LARGE1: variants seen among roughly 807,000 people sequenced by gnomAD.
LARGE1 encodes the protein LARGE xylosyl- and glucuronyltransferase 1.
Under a neutral mutation model 87.6 loss-of-function variants are expected in LARGE1, and 43 were observed. The ratio of observed to expected loss-of-function variants is 0.49; its 90% confidence interval spans 0.38 to 0.63. LARGE1 has a LOEUF of 0.63. Among genes scored for constraint, LARGE1 ranks in the 30% least tolerant of loss-of-function variants. LARGE1 has a pLI of 0.00. For missense variants in LARGE1, 802 were observed against 1,000.2 expected (o/e 0.80, Z 2.67); for synonymous variants, 434 against 394.6 (o/e 1.10, Z -1.18).
intron 1 of LARGE1, among the ~76,000 whole-genome samples, chr22:33,772,749 C>T (rs755706695): frequency 1.3e-5 from 2 of 152,122 alleles, no homozygotes. Context: ...ATCGCTGCTG[C>T]GCCCACTAGA....
At chr22:33,271,379 G>T (rs1928234567), downstream of LARGE1, among the ~76,000 whole-genome samples, 1 of 152,092 alleles carries the variant, frequency 6.6e-6, no homozygotes, top group Non-Finnish European at 1.5e-5. Context: ...ATGCATTCAG[G>T]TTCCCCAAGT....
chr22:33,922,077 CCCCAG>C (rs1465525346), upstream of LARGE1, among the ~76,000 whole-genome samples: 1 of 152,074 alleles, frequency 6.6e-6, no homozygotes, highest in African/African-American at 2.4e-5. Flanking sequence ...CTCCACCTCT[CCCCAG>C]CCGGGCGGGC....
chr22:33,294,571 C>G (rs762141494), intron 12 of LARGE1, among the ~76,000 whole-genome samples: 1 of 152,194 alleles, frequency 6.6e-6, no homozygotes, highest in African/African-American at 2.4e-5. Flanking sequence ...AAACCGGCCT[C>G]CCCGTACCTC....
chr22:33,428,665 G>A (rs1461205011), intron 7 of LARGE1, among the ~76,000 whole-genome samples: 1 of 145,608 alleles, frequency 6.9e-6, no homozygotes, highest in African/African-American at 2.5e-5. Flanking sequence ...GCTCATGCCT[G>A]TAATCCCAGC....
At chr22:33,653,789 T>C (rs1345690071) in intron 2 of LARGE1, among the ~76,000 whole-genome samples, 2 of 152,142 alleles carry the variant, frequency 1.3e-5, no homozygotes, top group African/African-American at 4.8e-5. Flanking sequence ...AGAGTTGTTC[T>C]GTGTGTTGTA....
the LARGE1 span, among the ~76,000 whole-genome samples, chr22:33,117,323 T>C: frequency 6.6e-6 from 1 of 152,176 alleles, no homozygotes; most frequent in African/African-American, 2.4e-5. Context: ...GAGGATGGCA[T>C]TGAGTTGCTA....
Position 33,737,958 on chromosome 22 carries a change from G to A in LARGE1, c.106+23413C>T, listed in dbSNP as rs541201806. Among the ~76,000 whole-genome samples, 10 of 152,218 alleles carry A rather than the reference G, an allele frequency of 6.6e-5. No homozygotes were observed. The East Asian group carries it at 1.5e-3, about 24-fold the overall frequency. ...GACATGTACTATTATTATACACTCT[G>A]TGCCTTTGAGACAACCTGCCACACA... On this transcript the variant is annotated intron_variant, in intron 2 of 14. Coordinates refer to ENST00000397394, the MANE Select transcript of LARGE1 (RefSeq NM_133642.5).
chr22:33,581,043 C>T (rs1569288264), intron 5 of LARGE1, among the ~76,000 whole-genome samples: 1 of 152,174 alleles, frequency 6.6e-6, no homozygotes, highest in Non-Finnish European at 1.5e-5. Flanking sequence ...AGCATTTTCT[C>T]ATTTTCAATG....
At chr22:33,677,092 T>C (rs1327320334) in intron 2 of LARGE1, among the ~76,000 whole-genome samples, 5 of 152,058 alleles carry the variant, frequency 3.3e-5, no homozygotes, top group African/African-American at 4.8e-5. Context: ...GCCAGCCAGC[T>C]CACAAGTGGC....
At chr22:33,587,765 CAG>C (rs776368281) in intron 5 of LARGE1, among the ~76,000 whole-genome samples, 21 of 151,616 alleles carry the variant, frequency 1.4e-4, no homozygotes, top group Non-Finnish European at 2.6e-4. Flanking sequence ...CTTAGGCACA[CAG>C]AAACCTTCCT....
chr22:33,465,755 T>C (rs184514433), intron 6 of LARGE1, among the ~76,000 whole-genome samples: 72 of 152,294 alleles, frequency 4.7e-4, no homozygotes, highest in Middle Eastern at 3.4e-3. Flanking sequence ...GCCAAGAACA[T>C]TCCTTAAAAG....
rs575212729 is a variant in LARGE1, at chr22:33,544,122, T to G, written c.787+20726A>C. ...CAACGTATTGTTGGGGGAATTGGCA[T>G]GTCCTGCGTGACTCCACTGGGGGAG... On this transcript the variant is annotated intron_variant, in intron 6 of 14. Coordinates refer to ENST00000397394, the MANE Select transcript of LARGE1 (RefSeq NM_133642.5). Among the ~76,000 whole-genome samples the G allele has an allele frequency of 4.6e-5, 7 of 152,346 alleles. No individual in the cohort carries two copies. In the East Asian group the frequency reaches 1.3e-3, roughly 29 times the overall value.
intron 5 of LARGE1, among the ~76,000 whole-genome samples, chr22:33,590,867 T>G (rs551602448): frequency 6.6e-6 from 1 of 152,080 alleles, no homozygotes; most frequent in African/African-American, 2.4e-5. Context: ...CACCTAGGAG[T>G]GGAACCACTA....
At chr22:33,080,869 T>G in the LARGE1 span, among the ~76,000 whole-genome samples, 5 of 152,122 alleles carry the variant, frequency 3.3e-5, 1 homozygote, top group South Asian at 1.0e-3. Flanking sequence ...AAAGAAACTT[T>G]TCTTCTATGC....
At chr22:33,596,924 G>C (rs9609840) in intron 5 of LARGE1, among the ~76,000 whole-genome samples, 12,960 of 152,154 alleles carry the variant, frequency 0.085, 683 homozygotes, top group African/African-American at 0.14. Flanking sequence ...CATTGCTCTG[G>C]GTATTAACAC....
intron 1 of LARGE1, among the ~76,000 whole-genome samples, chr22:33,866,861 T>A (rs1322681430): frequency 6.6e-6 from 1 of 152,182 alleles, no homozygotes; most frequent in African/African-American, 2.4e-5. Flanking sequence ...GGGTAGGCAT[T>A]CTTCTAGGCA....
chr22:33,333,392 T>C lies in LARGE1; in HGVS notation c.1287+4254A>G, dbSNP rs558379646. Among the ~76,000 whole-genome samples the C allele has an allele frequency of 3.9e-5, 6 of 152,230 alleles. No homozygotes were observed. In the East Asian group the frequency reaches 1.2e-3, roughly 29 times the overall value. ...TCCTCTACCTTGAGTGATTTTTCTC[T>C]AATATAAATCTGCCCATCACCAAAA... On this transcript the variant is annotated intron_variant, in intron 10 of 14. Coordinates refer to ENST00000397394, the MANE Select transcript of LARGE1 (RefSeq NM_133642.5).
At chr22:33,764,562 A>G (rs2084838783) in intron 1 of LARGE1, among the ~76,000 whole-genome samples, 1 of 152,094 alleles carries the variant, frequency 6.6e-6, no homozygotes, top group Admixed American at 6.5e-5. Context: ...GTTTGAGACC[A>G]GCCTGGCCAA....
At chr22:33,404,617 G>T (rs1417325779) in intron 7 of LARGE1, among the ~76,000 whole-genome samples, 2 of 152,190 alleles carry the variant, frequency 1.3e-5, no homozygotes, top group Admixed American at 6.5e-5. Flanking sequence ...CTAGAAATTG[G>T]ATTAGCGAGG....
Sources: gnomAD v4.1 joint callset for allele counts (sites outside exome capture counted in the v4.1 genomes callset) on GRCh38, gnomAD v4.1.1 for gene constraint, MANE v1.5 for transcripts, NCBI Gene and HGNC (gene_info 2026-07-23, HGNC 2026-07-21) for gene names.